The following AIG1 variants were observed in gnomAD, a reference collection of about 807,000 sequenced individuals.
AIG1 encodes the protein androgen-induced gene 1 protein.
AIG1 carries 23 observed loss-of-function variants against 31.4 expected under a neutral mutation model. The observed-to-expected ratio is 0.73, with a 90% confidence interval of 0.53 to 1.04. AIG1 has a LOEUF of 1.04. Ranked by LOEUF, AIG1 falls within the 50% of genes least tolerant of loss-of-function variation. The pLI is 0.00. For synonymous variants in AIG1, 100 were observed against 110.5 expected, an observed-to-expected ratio of 0.90 and a Z score of 0.60; for missense variants, 274 against 295.0, an observed-to-expected ratio of 0.93 and a Z score of 0.52.
chr6:143,140,977 G>T (rs1313220527), intron 2 of AIG1, among the ~76,000 whole-genome samples: 1 of 152,148 alleles, frequency 6.6e-6, no homozygotes, highest in Non-Finnish European at 1.5e-5. Context: ...TGCCAACCTT[G>T]CAGAGTGCTT....
intron 1 of AIG1, among the ~76,000 whole-genome samples, chr6:143,110,204 T>C (rs901960549): frequency 2.0e-5 from 3 of 152,222 alleles, no homozygotes; most frequent in Non-Finnish European, 4.4e-5. Flanking sequence ...CTTGCACTGA[T>C]ACCATACCAT....
intron 2 of AIG1, among the ~76,000 whole-genome samples, chr6:143,151,088 A>AT (rs754042571): frequency 6.6e-5 from 10 of 151,938 alleles, no homozygotes; most frequent in Non-Finnish European, 8.8e-5. Flanking sequence ...AAGATGACCA[A>AT]TTTTTTTTGC....
At chr6:143,226,096 C>G (rs1002856206) in intron 3 of AIG1, among the ~76,000 whole-genome samples, 7 of 152,094 alleles carry the variant, frequency 4.6e-5, no homozygotes, top group Admixed American at 1.3e-4. Flanking sequence ...TAGAGAAAAC[C>G]AGTCATCATT....
At chr6:143,237,185 T>G (rs1048592608) in intron 3 of AIG1, among the ~76,000 whole-genome samples, 9 of 152,224 alleles carry the variant, frequency 5.9e-5, no homozygotes, top group African/African-American at 2.2e-4. Flanking sequence ...AATTAATTTT[T>G]CAGTCCTTAA....
chr6:143,229,652 G>A (rs974288753), intron 3 of AIG1, among the ~76,000 whole-genome samples: 1 of 152,004 alleles, frequency 6.6e-6, no homozygotes, highest in Non-Finnish European at 1.5e-5. Context: ...TCTTCTTTCA[G>A]CAGATAATAC....
At chr6:143,302,766 C>T (rs985257601) in intron 4 of AIG1, among the ~76,000 whole-genome samples, 8 of 152,118 alleles carry the variant, frequency 5.3e-5, no homozygotes, top group Admixed American at 1.3e-4. Context: ...GGTCAAATGG[C>T]ATTTCTAGTT....
In AIG1 at chr6:143,291,722, G is replaced by T. The variant is rs961853833; in HGVS notation, c.515+7497G>T. Reference sequence around the variant, plus strand: ...TAAGTAAACCCCCCTCCCATTCAGGGTTCCAGCAATAAGCCTGCTGTGTTC... The same window carrying T: ...TAAGTAAACCCCCCTCCCATTCAGGTTTCCAGCAATAAGCCTGCTGTGTTC... On this transcript the variant is annotated intron_variant, in intron 4 of 5. Transcript: ENST00000357847. The surrounding 1 kb of genome is among the most constrained non-coding windows in gnomAD (Gnocchi z 4.2). Among the ~76,000 whole-genome samples the T allele has an allele frequency of 6.6e-6, 1 of 152,168 alleles. No individual in the cohort carries two copies. Among genetic ancestry groups the T allele is most frequent in the Admixed American group, 6.5e-5 (1 of 15,280 alleles).
chr6:143,062,490 T>C (rs1478134796), intron 1 of AIG1, among the ~76,000 whole-genome samples: 1 of 152,222 alleles, frequency 6.6e-6, no homozygotes, highest in Non-Finnish European at 1.5e-5. Context: ...TTCCAGAAGA[T>C]AGATGGTTGT....
intron 4 of AIG1, among the ~76,000 whole-genome samples, chr6:143,311,045 A>G (rs1335625367): frequency 6.6e-6 from 1 of 151,976 alleles, no homozygotes; most frequent in Non-Finnish European, 1.5e-5. Flanking sequence ...AATTCTTCAC[A>G]ATTTCTTTCA....
intron 3 of AIG1, 72 bp downstream of exon 3, chr6:143,165,255 G>A: frequency 8.2e-7 from 1 of 1,214,644 alleles, no homozygotes; most frequent in Non-Finnish European, 1.2e-6. Flanking sequence ...CTGCTATTTA[G>A]ACCTTCCATA....
intron 2 of AIG1, among the ~76,000 whole-genome samples, chr6:143,149,549 A>G (rs1004066359): frequency 1.3e-5 from 2 of 151,312 alleles, no homozygotes; most frequent in Non-Finnish European, 2.9e-5. Flanking sequence ...AAAAAAAAAA[A>G]AAAAAAAAGA....
chr6:143,110,154 G>A (rs1781143814), intron 1 of AIG1, among the ~76,000 whole-genome samples: 1 of 152,120 alleles, frequency 6.6e-6, no homozygotes, highest in Admixed American at 6.5e-5. Context: ...GTGGGTCTGT[G>A]TCTGGACTCT....
intron 1 of AIG1, among the ~76,000 whole-genome samples, chr6:143,083,635 A>G (rs1778496151): frequency 6.6e-6 from 1 of 152,192 alleles, no homozygotes; most frequent in Admixed American, 6.5e-5. Context: ...AAATTGGAGT[A>G]TTGCAGGGGC....
chr6:143,068,802 A>T (rs1168391596), intron 1 of AIG1, among the ~76,000 whole-genome samples: 2 of 152,196 alleles, frequency 1.3e-5, no homozygotes, highest in African/African-American at 2.4e-5. Context: ...ATATATGTAT[A>T]TGTGTGTTCA....
At chr6:143,244,170 G>T (rs1202292817) in intron 3 of AIG1, among the ~76,000 whole-genome samples, 1 of 152,226 alleles carries the variant, frequency 6.6e-6, no homozygotes, top group Non-Finnish European at 1.5e-5. Context: ...CTGGAAGACA[G>T]AAGGAGGAAT....
At position 143,334,116 on chromosome 6, in the gene AIG1, T is replaced by C; in HGVS notation, c.679+671T>C. 6.5e-7 allele frequency: 1 copy of C among 1,550,202 alleles called. No individual in the cohort carries two copies. Among genetic ancestry groups the C allele is most frequent in the African/African-American group, 1.4e-5 (1 of 73,168 alleles). On this transcript the variant is annotated intron_variant, in intron 5 of 5. Transcript: ENST00000357847. This position sits in a 1 kb window ranked among gnomAD's most constrained non-coding sequence, Gnocchi z 5.1. ...GCAAGGCACGTAATCTTATCCAAGCTGTGCAAAACCTGTCCAAAGTGTATG... is the reference window on the plus strand; with the variant it reads ...GCAAGGCACGTAATCTTATCCAAGCCGTGCAAAACCTGTCCAAAGTGTATG...
At chr6:143,193,075 C>A (rs995561016) in intron 3 of AIG1, among the ~76,000 whole-genome samples, 29 of 152,194 alleles carry the variant, frequency 1.9e-4, no homozygotes, top group African/African-American at 6.3e-4. Flanking sequence ...TCAAGTGTGT[C>A]CAGCTCCAGG....
At position 143,298,213 on chromosome 6, in the gene AIG1, C is replaced by T. The variant is rs1798576806; in HGVS notation, c.515+13988C>T. On this transcript the variant is annotated intron_variant, in intron 4 of 5. Transcript: ENST00000357847. The surrounding 1 kb of genome is among the most constrained non-coding windows in gnomAD (Gnocchi z 5.1). The stretch of plus-strand genomic sequence containing the variant: ...GCCTCTGGAGAAATCCAGGAATTGT[C>T]ATTTGTACTCTGTGGAGATCTGATC... 6.6e-6 allele frequency among the ~76,000 whole-genome samples: 1 copy of T among 152,120 alleles called. No homozygotes were observed.
At chr6:143,122,933 C>G (rs115150647) in intron 1 of AIG1, among the ~76,000 whole-genome samples, 2 of 152,158 alleles carry the variant, frequency 1.3e-5, no homozygotes, top group Admixed American at 6.6e-5. Context: ...TGATCTATCT[C>G]TAATTATTCA....
Sources: allele counts gnomAD v4.1 joint callset (sites outside exome capture counted in the v4.1 genomes callset), GRCh38; gene constraint gnomAD v4.1.1; non-coding constraint Gnocchi (gnomAD v3.1); transcripts MANE v1.5; gene names NCBI Gene and HGNC (gene_info 2026-07-23, HGNC 2026-07-21).